CSMD1: variants seen among roughly 807,000 people sequenced by gnomAD.
CSMD1 encodes the protein CUB and Sushi multiple domains 1, also known as CUB and sushi domain-containing protein 1.
A neutral mutation model predicts 417.5 loss-of-function variants in CSMD1; 213 were observed. That is an observed-to-expected ratio of 0.51 (90% CI 0.46 to 0.57). CSMD1 has a LOEUF of 0.57. Ranked by LOEUF, CSMD1 falls within the 20% of genes least tolerant of loss-of-function variation. The pLI, the probability that CSMD1 is intolerant of heterozygous loss-of-function variation, is 0.00. For synonymous variants in CSMD1, 2,862 were observed against 1,736.8 expected (o/e 1.65, Z -16.11); for missense variants, 6,923 against 4,529.7 (o/e 1.53, Z -15.17).
At chr8:3,522,710 A>G (rs1448784712) in intron 10 of CSMD1, among the ~76,000 whole-genome samples, 1 of 152,012 alleles carries the variant, frequency 6.6e-6, no homozygotes, top group African/African-American at 2.4e-5. Flanking sequence ...ATTCACACCG[A>G]TACTGATTCT....
At chr8:3,667,792 G>A (rs761568531) in intron 7 of CSMD1, among the ~76,000 whole-genome samples, 1 of 152,142 alleles carries the variant, frequency 6.6e-6, no homozygotes, top group Non-Finnish European at 1.5e-5. Flanking sequence ...GGAAAATCAT[G>A]GAAACAGAAG....
At chr8:3,732,315 T>A (rs1001829743) in intron 6 of CSMD1, among the ~76,000 whole-genome samples, 1 of 152,180 alleles carries the variant, frequency 6.6e-6, no homozygotes, top group Non-Finnish European at 1.5e-5. Context: ...ATAATTTTGA[T>A]CAAGTCATTT....
At chr8:4,021,904 C>T (rs1473477788) in intron 4 of CSMD1, among the ~76,000 whole-genome samples, 1 of 151,916 alleles carries the variant, frequency 6.6e-6, no homozygotes, top group Admixed American at 6.6e-5. Flanking sequence ...CAAACTACCC[C>T]AGATCATCAA....
intron 1 of CSMD1, among the ~76,000 whole-genome samples, chr8:4,698,326 G>T (rs1405683930): frequency 1.3e-5 from 2 of 152,094 alleles, no homozygotes; most frequent in African/African-American, 4.8e-5. Context: ...ACGGCTCATG[G>T]AACTTAAAGA....
intron 23 of CSMD1, among the ~76,000 whole-genome samples, chr8:3,310,146 G>C (rs187320544): frequency 6.6e-6 from 1 of 152,256 alleles, no homozygotes; most frequent in Non-Finnish European, 1.5e-5. Flanking sequence ...AATCACCTCC[G>C]GTTTCAGGGT....
At chr8:4,665,990 G>C (rs999144340) in intron 1 of CSMD1, among the ~76,000 whole-genome samples, 1 of 152,144 alleles carries the variant, frequency 6.6e-6, no homozygotes, top group Non-Finnish European at 1.5e-5. Context: ...AATATTGCAT[G>C]AACTCTGCAT....
Position 2,974,622 on chromosome 8 carries a change from T to C in CSMD1, c.8569A>G (p.Ile2857Val), listed in dbSNP as rs1438994281. 1.3e-6 allele frequency: 2 copies of C among 1,582,362 alleles called. No individual in the cohort carries two copies. The highest frequency in any genetic ancestry group is 1.7e-6 in the Non-Finnish European group (2 of 1,164,490). ...GGGACCCCTGGGTGTCCACACGATA[T>C]AGCTTCAGAAAAAAGATAAAACAAT... The part of the protein sequence containing the change: ...WDRSLPKCLA[I>V]SCGHPGVPAN... Residue 2857 changes from isoleucine (I) to valine (V), a missense_variant and splice_region_variant, in exon 56 of 70, where the codon ATA (isoleucine) becomes GTA (valine). Physicochemically the swap from Ile to Val is conservative, Grantham distance 29. Coordinates refer to ENST00000635120, the MANE Select transcript of CSMD1 (RefSeq NM_033225.6).
intron 1 of CSMD1, among the ~76,000 whole-genome samples, chr8:4,716,386 C>G (rs1177908648): frequency 6.6e-6 from 1 of 152,106 alleles, no homozygotes; most frequent in Non-Finnish European, 1.5e-5. Flanking sequence ...ATTTGGAAGG[C>G]CAACACAAGG....
At chr8:3,924,593 G>T (rs952799775) in intron 5 of CSMD1, among the ~76,000 whole-genome samples, 2 of 152,094 alleles carry the variant, frequency 1.3e-5, no homozygotes, top group African/African-American at 4.8e-5. Flanking sequence ...AATTTTAAAT[G>T]ATCTGTCTTA....
chr8:3,741,749 G>A (rs1018382715), intron 6 of CSMD1, among the ~76,000 whole-genome samples: 1 of 152,134 alleles, frequency 6.6e-6, no homozygotes, highest in Admixed American at 6.5e-5. Context: ...AAAATACCCA[G>A]TGGTGGTTGA....
rs79811387 is a variant in CSMD1 at position 4,903,789 on chromosome 8, C to A, written c.85+90543G>T. ...GAAGGACCTGGAGTCTTCTTAGCAG[C>A]AGGACCTACTGTTAGCCTGGCTCTT... On this transcript the variant is annotated intron_variant, in intron 1 of 69. Transcript: ENST00000635120. Among the ~76,000 whole-genome samples the A allele has an allele frequency of 4.0e-3, 607 of 152,274 alleles. 2 individuals carry two copies. The highest frequency in any genetic ancestry group is 0.014 in the African/African-American group (591 of 41,578).
chr8:3,658,021 G>A (rs1484601382), intron 7 of CSMD1, among the ~76,000 whole-genome samples: 2 of 152,072 alleles, frequency 1.3e-5, no homozygotes, highest in African/African-American at 4.8e-5. Context: ...AAGGAAAACT[G>A]GATTTCTCGT....
intron 5 of CSMD1, among the ~76,000 whole-genome samples, chr8:3,929,761 A>T (rs941521378): frequency 6.7e-6 from 1 of 149,744 alleles, no homozygotes; most frequent in African/African-American, 2.5e-5. Flanking sequence ...TCCTGGATAC[A>T]AGCAATTCTC....
chr8:3,425,068 G>C (rs918341359), intron 12 of CSMD1, among the ~76,000 whole-genome samples: 1 of 152,050 alleles, frequency 6.6e-6, no homozygotes, highest in Non-Finnish European at 1.5e-5. Flanking sequence ...CCAAGTCCCT[G>C]GGCTCAAGCA....
rs377071972 is a variant in CSMD1, at chr8:3,586,149, C to G, written c.1209G>C (p.Arg403Ser). Reference protein sequence around the residue: ...TETLAAWSDHRPICRARTCGS... With the variant: ...TETLAAWSDHSPICRARTCGS... ...CAGGTGCCTTACCTCGGCAGATGGG[C>G]CTGTGGTCACTCCAAGCAGCGAGCG... Residue 403 changes from arginine (R) to serine (S), a missense_variant, in exon 9 of 70, where the codon AGG (arginine) becomes AGC (serine). Physicochemically the swap from Arg to Ser is moderately radical, Grantham distance 110. Transcript: ENST00000635120. 1.9e-6 allele frequency: 3 copies of G among 1,612,624 alleles called. No individual in the cohort carries two copies.
intron 5 of CSMD1, among the ~76,000 whole-genome samples, chr8:3,760,055 G>C (rs1237398882): frequency 2.6e-5 from 4 of 152,088 alleles, no homozygotes; most frequent in African/African-American, 9.7e-5. Context: ...AACGGAGCTT[G>C]CCAGGTCAGG....
intron 23 of CSMD1, among the ~76,000 whole-genome samples, chr8:3,312,579 G>A (rs1805433223): frequency 1.3e-5 from 2 of 152,138 alleles, no homozygotes; most frequent in Admixed American, 6.6e-5. Context: ...TTCACACACA[G>A]TTGCTGGGAG....
intron 1 of CSMD1, among the ~76,000 whole-genome samples, chr8:4,651,673 G>C (rs1393431461): frequency 1.3e-5 from 2 of 152,112 alleles, no homozygotes; most frequent in Admixed American, 6.5e-5. Flanking sequence ...ATTTCTGCCA[G>C]GTATATGATG....
intron 5 of CSMD1, among the ~76,000 whole-genome samples, chr8:3,870,321 A>AT (rs1271110694): frequency 1.3e-5 from 2 of 152,086 alleles, no homozygotes; most frequent in Non-Finnish European, 2.9e-5. Context: ...TTTTATTTTT[A>AT]TTTTTACTAT....
Sources: allele counts gnomAD v4.1 joint callset (sites outside exome capture counted in the v4.1 genomes callset), GRCh38; gene constraint gnomAD v4.1.1; transcripts MANE v1.5; gene names NCBI Gene and HGNC (gene_info 2026-07-23, HGNC 2026-07-21).